CNKSR3: variants seen among roughly 807,000 people sequenced by gnomAD.
CNKSR3 encodes the protein CNKSR family member 3.
Under a neutral mutation model 67.7 loss-of-function variants are expected in CNKSR3, and 36 were observed. The observed-to-expected ratio is 0.53, with a 90% CI of 0.41 to 0.70. The LOEUF (loss-of-function observed/expected upper bound fraction) is 0.70, where lower values mean the gene tolerates loss of function less well. Ranked by LOEUF, CNKSR3 falls within the 30% of genes least tolerant of loss-of-function variation. The probability of loss-of-function intolerance (pLI) is 0.00; values close to 1 mark genes in which losing one functional copy is unlikely to be tolerated. For synonymous variants in CNKSR3, 281 were observed against 271.4 expected, an observed-to-expected ratio of 1.04 and a Z score of -0.35; for missense variants, 630 against 695.2, an observed-to-expected ratio of 0.91 and a Z score of 1.05.
At chr6:154,408,189 C>G (rs1784842096) in intron 12 of CNKSR3, among the ~76,000 whole-genome samples, 3 of 151,992 alleles carry the variant, frequency 2.0e-5, no homozygotes, top group Non-Finnish European at 4.4e-5. Flanking sequence ...CACACCTGGC[C>G]AATTTTTGTA....
At position 154,422,487 on chromosome 6, in the gene CNKSR3, T is replaced by C. The variant is rs943443463; in HGVS notation, c.945+19A>G. 1 of 1,611,358 alleles carries C rather than the reference T, an allele frequency of 6.2e-7. No individual in the cohort carries two copies. The highest frequency in any genetic ancestry group is 2.2e-5 in the East Asian group (1 of 44,840). ...TACTCAACATTGTTGGATGGAGGTT[T>C]ACAGTTAATCCCAGATACCTGTACA... On this transcript the variant is annotated intron_variant, in intron 9 of 12. Transcript: ENST00000607772.
At chr6:154,495,043 G>A (rs1786850134) in intron 1 of CNKSR3, among the ~76,000 whole-genome samples, 1 of 152,018 alleles carries the variant, frequency 6.6e-6, no homozygotes, top group Non-Finnish European at 1.5e-5. Context: ...AATAATTCCG[G>A]GTGTCATATT....
intron 12 of CNKSR3, among the ~76,000 whole-genome samples, chr6:154,407,305 G>A (rs1053472103): frequency 4.6e-5 from 7 of 152,240 alleles, no homozygotes; most frequent in South Asian, 4.1e-4. Flanking sequence ...GAACATTCCC[G>A]AACAAGGAAA....
chr6:154,443,474 C>G (rs2128718009), intron 2 of CNKSR3, among the ~76,000 whole-genome samples: 1 of 152,156 alleles, frequency 6.6e-6, no homozygotes, highest in East Asian at 1.9e-4. Context: ...TCGATTCACT[C>G]TCTAGCCCAT....
chr6:154,442,183 G>A lies in CNKSR3; in HGVS notation c.324C>T (p.Tyr108=), dbSNP rs1185274625. 2.5e-6 allele frequency: 4 copies of A among 1,614,062 alleles called. No individual in the cohort carries two copies. Among genetic ancestry groups the A allele is most frequent in the Middle Eastern group, 1.6e-4 (1 of 6,084 alleles). ...YISSRRKSPA[Y]DGNTSRKAPN... is the part of the protein sequence containing the mutation. ...GGGCCTTGCGGGAGGTGTTGCCATC[G>A]TAAGCGGGACTTTTCCGTCGGCTAC... is the stretch of plus-strand genomic sequence containing the variant. The change falls in exon 3 of 13, where the codon TAC becomes TAT. Residue 108 remains tyrosine (Y), a synonymous_variant. Transcript: ENST00000607772.
chr6:154,424,802 C>T (rs1004358083), intron 7 of CNKSR3, among the ~76,000 whole-genome samples: 4 of 152,142 alleles, frequency 2.6e-5, no homozygotes, highest in East Asian at 1.9e-4. Context: ...GTCTCACTCA[C>T]GCTCAGTCAC....
chr6:154,467,076 C>G (rs1012285245), intron 1 of CNKSR3, among the ~76,000 whole-genome samples: 1 of 152,098 alleles, frequency 6.6e-6, no homozygotes, highest in African/African-American at 2.4e-5. Context: ...GCCACTGTTT[C>G]CAGTTAGAGC....
Position 154,397,774 on chromosome 6 carries a change from A to C in CNKSR3, c.*8580T>G, listed in dbSNP as rs1312930215. 1 of 152,122 alleles carries C rather than the reference A, an allele frequency of 6.6e-6. No homozygotes were observed. Among genetic ancestry groups the C allele is most frequent in the African/African-American group, 2.4e-5 (1 of 41,376 alleles). The allele number at this position is 152,122 out of a possible 1,614,324, so 9.4% of individuals were successfully genotyped here. ...TGCAGTGGGGGTGTGTGAGATGCAC[A>C]GGGCAGACAGTACAGCCTGCAACTG... On this transcript the variant is annotated 3_prime_UTR_variant, in exon 13 of 13. Coordinates refer to ENST00000607772, the MANE Select transcript of CNKSR3 (RefSeq NM_173515.4).
At chr6:154,442,328 A>AT (rs765177197) in intron 2 of CNKSR3, 38 bp from the exon 3 acceptor site, 1 of 1,569,040 alleles carries the variant, frequency 6.4e-7, no homozygotes. Flanking sequence ...ATTCAAAACA[A>AT]TGCACAATAT....
chr6:154,487,387 G>C (rs899964834), intron 1 of CNKSR3, among the ~76,000 whole-genome samples: 2 of 152,144 alleles, frequency 1.3e-5, no homozygotes, highest in East Asian at 3.8e-4. Flanking sequence ...AATCCTGAAA[G>C]TTTAGTAACA....
Position 154,390,332 on chromosome 6 carries a change from C to T in CNKSR3, c.*16022G>A, listed in dbSNP as rs1433035878. 1 of 152,260 alleles carries T rather than the reference C, an allele frequency of 6.6e-6. No homozygotes were observed. The allele number at this position is 152,260 out of a possible 1,614,324, so 9.4% of individuals were successfully genotyped here. On this transcript the variant is annotated 3_prime_UTR_variant, in exon 13 of 13. Transcript: ENST00000607772. ...CTGCAGCTGGGCCAACCATACACAC[C>T]CAGAGTTCCTAGTTCCTCCTGCCCT... is the stretch of plus-strand genomic sequence containing the variant.
intron 2 of CNKSR3, 103 bp from the exon 3 acceptor site, chr6:154,442,393 T>C (rs1477456293): frequency 1.1e-6 from 1 of 905,214 alleles, no homozygotes. Context: ...GAGGCTGAAG[T>C]GGGCGGATCA....
intron 1 of CNKSR3, among the ~76,000 whole-genome samples, chr6:154,494,879 C>A (rs1278796097): frequency 6.7e-6 from 1 of 148,528 alleles, no homozygotes; most frequent in Non-Finnish European, 1.5e-5. Flanking sequence ...AACTGCTTAT[C>A]TCTCCAAGCA....
rs1276792850 is a variant in CNKSR3 at position 154,422,214 on chromosome 6, G to A, written c.945+292C>T. Among the ~76,000 whole-genome samples, 10 of 151,626 alleles carry A rather than the reference G, an allele frequency of 6.6e-5. 1 individual carries two copies. Among genetic ancestry groups the A allele is most frequent in the Middle Eastern group, 3.4e-3 (1 of 290 alleles). ...TCACCGTGTTAGCCAGGATGGTCTC[G>A]ATCTCCTGACCTCGTGATCCGCCCG... On this transcript the variant is annotated intron_variant, in intron 9 of 12. Transcript: ENST00000607772.
chr6:154,421,290 C>T (rs994093195), intron 9 of CNKSR3, among the ~76,000 whole-genome samples: 1 of 152,140 alleles, frequency 6.6e-6, no homozygotes, highest in Non-Finnish European at 1.5e-5. Flanking sequence ...CTGGGATTAC[C>T]GGCGTGAGCC....
chr6:154,426,190 C>T (rs999724199), intron 7 of CNKSR3, among the ~76,000 whole-genome samples: 3 of 152,130 alleles, frequency 2.0e-5, no homozygotes, highest in Non-Finnish European at 2.9e-5. Flanking sequence ...CTCCCTGAGA[C>T]GACTTCCATA....
At chr6:154,438,272 T>A (rs1441920421) in intron 4 of CNKSR3, among the ~76,000 whole-genome samples, 1 of 152,068 alleles carries the variant, frequency 6.6e-6, no homozygotes, top group Admixed American at 6.6e-5. Context: ...TCCCTCCCTC[T>A]CTCTCCCCCT....
rs1784967603 is a variant in CNKSR3 at position 154,414,283 on chromosome 6, A to G, written c.1070+16T>C. The stretch of plus-strand genomic sequence containing the variant: ...AACAGGAGACAAGCATACCATGACA[A>G]TGGACAGCAACATACCGGGGAGAGT... On this transcript the variant is annotated intron_variant, in intron 10 of 12. Transcript: ENST00000607772. 3 of 1,569,532 alleles carry G rather than the reference A, an allele frequency of 1.9e-6. No individual in the cohort carries two copies. Among genetic ancestry groups the G allele is most frequent in the Admixed American group, 4.0e-5 (2 of 50,488 alleles).
intron 9 of CNKSR3, among the ~76,000 whole-genome samples, chr6:154,417,532 G>T (rs1785047996): frequency 1.3e-5 from 2 of 152,148 alleles, no homozygotes; most frequent in Admixed American, 6.5e-5. Flanking sequence ...CCTTTTGGTG[G>T]TTCTTATGTT....
Sources: allele counts gnomAD v4.1 joint callset (sites outside exome capture counted in the v4.1 genomes callset), GRCh38; gene constraint gnomAD v4.1.1; transcripts MANE v1.5; gene names NCBI Gene and HGNC (gene_info 2026-07-23, HGNC 2026-07-21).